The following PLCH2 variants were observed in gnomAD, a reference collection of about 807,000 sequenced individuals.
PLCH2 encodes the protein 1-phosphatidylinositol 4,5-bisphosphate phosphodiesterase eta-2.
PLCH2 carries 98 observed loss-of-function variants against 134.7 expected under a neutral mutation model. The ratio of observed to expected loss-of-function variants is 0.73; its 90% CI spans 0.62 to 0.86. PLCH2 has a LOEUF of 0.86. PLCH2 is among the 40% of genes least tolerant of loss of function. The pLI is 0.00. For synonymous variants in PLCH2, 974 were observed against 827.5 expected (o/e 1.18, Z -3.04); for missense variants, 1,994 against 1,986.6 (o/e 1.00, Z -0.07).
At chr1:2,501,826 C>T (rs770266053) in intron 20 of PLCH2, 26 of 390,770 alleles carry the variant, frequency 6.7e-5, no homozygotes, top group Non-Finnish European at 5.9e-5. Context: ...TCAAGGGCCC[C>T]ACATGCCCTG....
intron 4 of PLCH2, among the ~76,000 whole-genome samples, chr1:2,483,760 C>T (rs529274511): frequency 8.9e-6 from 1 of 112,012 alleles, no homozygotes; most frequent in Non-Finnish European, 2.0e-5. Context: ...TGTTGACCCC[C>T]GTTTGGGGGG....
intron 4 of PLCH2, among the ~76,000 whole-genome samples, chr1:2,484,125 G>GAACA (rs1642165358): frequency 6.6e-6 from 1 of 152,242 alleles, no homozygotes; most frequent in African/African-American, 2.4e-5. Context: ...GGGTGTTGTT[G>GAACA]ACTCCCGTAT....
intron 20 of PLCH2, chr1:2,500,030 C>T: frequency 2.0e-6 from 1 of 503,874 alleles, no homozygotes; most frequent in South Asian, 2.4e-5. Flanking sequence ...GGCCTTGCAG[C>T]CTCCACCCCT....
intron 1 of PLCH2, among the ~76,000 whole-genome samples, chr1:2,468,348 C>T (rs1641168876): frequency 1.3e-5 from 2 of 152,264 alleles, no homozygotes; most frequent in Non-Finnish European, 2.9e-5. Context: ...GCTTTCCTGA[C>T]CTGGGAGCCG....
intron 2 of PLCH2, among the ~76,000 whole-genome samples, chr1:2,443,731 G>C (rs1191423818): frequency 1.4e-5 from 2 of 146,890 alleles, no homozygotes; most frequent in Non-Finnish European, 3.0e-5. Flanking sequence ...GGTGCGGGCG[G>C]CACGAGTGAC....
upstream of PLCH2, among the ~76,000 whole-genome samples, chr1:2,475,445 C>T (rs1641562588): frequency 6.6e-6 from 1 of 152,232 alleles, no homozygotes; most frequent in Non-Finnish European, 1.5e-5. Flanking sequence ...CCTCCCATTC[C>T]CACAGCTGCC....
At chr1:2,463,654 G>A (rs756445090), upstream of PLCH2, among the ~76,000 whole-genome samples, 4 of 152,188 alleles carry the variant, frequency 2.6e-5, no homozygotes, top group Admixed American at 6.5e-5. Flanking sequence ...CAGAGCCCGC[G>A]ACCCGAGAAC....
At chr1:2,473,386 C>T (rs535892412), upstream of PLCH2, among the ~76,000 whole-genome samples, 19 of 152,348 alleles carry the variant, frequency 1.2e-4, no homozygotes, top group African/African-American at 3.4e-4. Context: ...CACCGTGGGG[C>T]CCGCAGAGCC....
intron 2 of PLCH2, among the ~76,000 whole-genome samples, chr1:2,435,276 G>C (rs1218534291): frequency 1.3e-5 from 2 of 152,210 alleles, no homozygotes; most frequent in South Asian, 4.1e-4. Context: ...AGGGGCTGTG[G>C]GGGGTGGGGC....
At chr1:2,420,260 T>C in the PLCH2 span, among the ~76,000 whole-genome samples, 49,354 of 151,984 alleles carry the variant, frequency 0.32, 8,208 homozygotes, top group East Asian at 0.52. Flanking sequence ...AGGCAGCACC[T>C]ACCTCTTGTC....
chr1:2,441,831 C>T (rs1324122417), intron 2 of PLCH2, among the ~76,000 whole-genome samples: 1 of 152,156 alleles, frequency 6.6e-6, no homozygotes, highest in East Asian at 1.9e-4. Flanking sequence ...GCCTTCCATC[C>T]ACAGCCCGCA....
At position 2,487,278 on chromosome 1, in the gene PLCH2, C is replaced by T. The variant is rs778497311; in HGVS notation, c.1016C>T (p.Ser339Leu). Residue 339 changes from serine to leucine, a missense_variant, in exon 7 of 22, where the codon TCG becomes TTG. Transcript: ENST00000378486. Reference protein sequence around the residue: ...TQPLSHYFITSSHNTYLVGDQ... With the variant: ...TQPLSHYFITLSHNTYLVGDQ... ...CCGCTGAGCCACTACTTCATCACCT[C>T]GTCCCACAACACCTACCTCGTGGGT... 2.0e-5 allele frequency: 33 copies of T among 1,613,612 alleles called. No homozygotes were observed. Among genetic ancestry groups the T allele is most frequent in the South Asian group, 6.6e-5 (6 of 91,042 alleles).
chr1:2,479,083 T>G, intron 2 of PLCH2: 1 of 176,454 alleles, frequency 5.7e-6, no homozygotes, highest in Non-Finnish European at 1.2e-5. Flanking sequence ...TGGGGAGAGT[T>G]GAGGCACACA....
chr1:2,480,346 G>C, intron 4 of PLCH2, 34 bp downstream of exon 4: 1 of 1,602,618 alleles, frequency 6.2e-7, no homozygotes, highest in Middle Eastern at 1.7e-4. Context: ...GGGCTCCAGA[G>C]CCAGGGCTGC....
At chr1:2,419,490 G>A in the PLCH2 span, among the ~76,000 whole-genome samples, 2 of 152,134 alleles carry the variant, frequency 1.3e-5, no homozygotes, top group East Asian at 3.9e-4. Flanking sequence ...GGTCGGGGGG[G>A]TTTTCCACTT....
chr1:2,458,653 G>A (rs533674798), intron 2 of PLCH2, among the ~76,000 whole-genome samples: 99 of 152,030 alleles, frequency 6.5e-4, no homozygotes, highest in East Asian at 5.8e-4. Context: ...CTGAGTGGCC[G>A]GAGGAGATGC....
Position 2,496,684 on chromosome 1 carries a change from C to A in PLCH2, c.1913C>A (p.Thr638Asn). 1 of 1,611,894 alleles carries A rather than the reference C, an allele frequency of 6.2e-7. No homozygotes were observed. Residue 638 changes from threonine to asparagine, a missense_variant, in exon 14 of 22, where the codon ACC (threonine) becomes AAC (asparagine). By Grantham distance (65) the Thr-to-Asn change is moderately conservative. Coordinates refer to ENST00000378486, the MANE Select transcript of PLCH2 (RefSeq NM_014638.4). ...DLVKYTKSVATHDIEMEAASS... is the reference protein window; with the variant it reads ...DLVKYTKSVANHDIEMEAASS... Reference sequence around the variant, plus strand: ...GTGAAGTACACCAAGTCCGTGGCCACCCACGACATAGAGATGGAGGGTGAG... The same window carrying A: ...GTGAAGTACACCAAGTCCGTGGCCAACCACGACATAGAGATGGAGGGTGAG...
In PLCH2 at chr1:2,489,351, G is replaced by A. The variant is rs765158941; in HGVS notation, c.1380G>A (p.Gln460=). The change falls in exon 9 of 22, where the codon CAG becomes CAA. Residue 460 remains glutamine, a synonymous_variant. Coordinates refer to ENST00000378486, the MANE Select transcript of PLCH2 (RefSeq NM_014638.4). The part of the protein sequence containing the change: ...SEDATTLPSP[Q]MLKGKILVKG... ...ATGCCACCACACTCCCCTCTCCACA[G>A]ATGCTCAAGGGCAAGATCCTCGTGA... 1.5e-5 allele frequency: 25 copies of A among 1,613,762 alleles called. No homozygotes were observed. The highest frequency in any genetic ancestry group is 2.0e-5 in the Non-Finnish European group (24 of 1,179,872).
chr1:2,436,572 T>TTCTC (rs1639432704), intron 2 of PLCH2, among the ~76,000 whole-genome samples: 1 of 134,858 alleles, frequency 7.4e-6, no homozygotes. Flanking sequence ...CTTTCCTCCT[T>TTCTC]CCTCCCTCCT....
Sources: allele counts gnomAD v4.1 joint callset (sites outside exome capture counted in the v4.1 genomes callset), GRCh38; gene constraint gnomAD v4.1.1; transcripts MANE v1.5; gene names NCBI Gene and HGNC (gene_info 2026-07-23, HGNC 2026-07-21).